The following RBMS3 variants were observed in gnomAD, a reference collection of about 807,000 sequenced individuals.
RBMS3 encodes RNA-binding motif, single-stranded-interacting protein 3.
RBMS3 carries 27 observed loss-of-function variants against 66.8 expected under a neutral mutation model. That is an observed-to-expected ratio of 0.40 (90% CI 0.30 to 0.56). The LOEUF (loss-of-function observed/expected upper bound fraction) is 0.56. Ranked by LOEUF, RBMS3 falls within the 20% of genes least tolerant of loss-of-function variation. The probability of loss-of-function intolerance (pLI) is 0.40; values close to 1 mark genes in which losing one functional copy is unlikely to be tolerated. For missense variants in RBMS3, 513 were observed against 549.5 expected, an observed-to-expected ratio of 0.93 and a Z score of 0.66; for synonymous variants, 188 against 183.0, an observed-to-expected ratio of 1.03 and a Z score of -0.22.
At chr3:29,965,506 G>A (rs186147359) in intron 12 of RBMS3, among the ~76,000 whole-genome samples, 8 of 151,982 alleles carry the variant, frequency 5.3e-5, no homozygotes, top group African/African-American at 1.9e-4. Context: ...TCACATGTTT[G>A]TTGGCCATTT....
chr3:29,598,694 T>C (rs952528995), intron 4 of RBMS3, among the ~76,000 whole-genome samples: 1 of 152,044 alleles, frequency 6.6e-6, no homozygotes, highest in Non-Finnish European at 1.5e-5. Flanking sequence ...ATCATCTTTT[T>C]TATTTTTCTC....
At chr3:29,906,608 T>A (rs1004381184) in intron 10 of RBMS3, among the ~76,000 whole-genome samples, 1 of 152,120 alleles carries the variant, frequency 6.6e-6, no homozygotes, top group Non-Finnish European at 1.5e-5. Context: ...CACTTTGGTG[T>A]ATAAAAATGT....
intron 4 of RBMS3, among the ~76,000 whole-genome samples, chr3:29,663,216 T>C (rs764112396): frequency 2.6e-5 from 4 of 152,148 alleles, no homozygotes; most frequent in Non-Finnish European, 4.4e-5. Flanking sequence ...TAGTTTTAAA[T>C]CATCTTCATG....
At chr3:29,625,418 G>A (rs2049023142) in intron 4 of RBMS3, among the ~76,000 whole-genome samples, 1 of 152,038 alleles carries the variant, frequency 6.6e-6, no homozygotes, top group Admixed American at 6.6e-5. Flanking sequence ...TTCTTGCCAG[G>A]CACAGTGGAT....
At chr3:29,847,489 A>G (rs187133750) in intron 6 of RBMS3, among the ~76,000 whole-genome samples, 1 of 152,282 alleles carries the variant, frequency 6.6e-6, no homozygotes, top group East Asian at 1.9e-4. Flanking sequence ...ATAATTTTCT[A>G]TATTAAGTCT....
chr3:29,346,148 AC>A (rs1476536868), intron 1 of RBMS3, among the ~76,000 whole-genome samples: 1 of 152,176 alleles, frequency 6.6e-6, no homozygotes, highest in Non-Finnish European at 1.5e-5. Context: ...TTGACATAAG[AC>A]AGTTCTCAAT....
intron 4 of RBMS3, among the ~76,000 whole-genome samples, chr3:29,661,547 T>G (rs1675741371): frequency 6.6e-6 from 1 of 151,840 alleles, no homozygotes; most frequent in Admixed American, 6.6e-5. Context: ...CTGTTTCTGT[T>G]AATATCATTT....
At chr3:29,922,155 T>C (rs146201049) in intron 10 of RBMS3, among the ~76,000 whole-genome samples, 1 of 152,354 alleles carries the variant, frequency 6.6e-6, no homozygotes, top group East Asian at 1.9e-4. Flanking sequence ...CTTGTTAAAG[T>C]TATTTAACTG....
chr3:29,980,241 G>T (rs149179554), intron 12 of RBMS3, among the ~76,000 whole-genome samples: 2 of 152,250 alleles, frequency 1.3e-5, no homozygotes, highest in East Asian at 1.9e-4. Context: ...CTTCTTTTGA[G>T]AAGTGTCTGT....
chr3:29,911,234 T>A (rs17024606), intron 10 of RBMS3, among the ~76,000 whole-genome samples: 3,555 of 152,074 alleles, frequency 0.023, 157 homozygotes, highest in African/African-American at 0.082. Flanking sequence ...AGCAAAGTGA[T>A]CAGTAGATTG....
chr3:29,805,369 ATACTT>A (rs1161595165), intron 6 of RBMS3, among the ~76,000 whole-genome samples: 2 of 152,094 alleles, frequency 1.3e-5, no homozygotes, highest in Non-Finnish European at 2.9e-5. Context: ...TTTCTATACT[ATACTT>A]TTTATGGTTA....
chr3:29,464,083 G>A (rs1440238923), intron 2 of RBMS3, among the ~76,000 whole-genome samples: 2 of 151,834 alleles, frequency 1.3e-5, no homozygotes, highest in Non-Finnish European at 2.9e-5. Flanking sequence ...GTTTTTTCTC[G>A]GGCACCTGCA....
chr3:29,394,324 C>G (rs1050210914), intron 1 of RBMS3, among the ~76,000 whole-genome samples: 5 of 152,182 alleles, frequency 3.3e-5, no homozygotes, highest in African/African-American at 1.2e-4. Context: ...CTCCCTTGTT[C>G]CCTGAAAATC....
chr3:29,864,721 T>TA (rs916241420), intron 6 of RBMS3, among the ~76,000 whole-genome samples: 13 of 151,836 alleles, frequency 8.6e-5, no homozygotes, highest in Admixed American at 3.9e-4. Context: ...ATACATTCTT[T>TA]AAAAAAAACT....
intron 4 of RBMS3, among the ~76,000 whole-genome samples, chr3:29,622,040 T>G (rs1239875719): frequency 6.6e-6 from 1 of 152,178 alleles, no homozygotes; most frequent in East Asian, 1.9e-4. Flanking sequence ...CCATAGTGCC[T>G]TCATTTATAA....
At chr3:29,314,162 C>T (rs114082287) in intron 1 of RBMS3, among the ~76,000 whole-genome samples, 129 of 151,782 alleles carry the variant, frequency 8.5e-4, no homozygotes, top group African/African-American at 3.0e-3. Context: ...GTGTTTAACT[C>T]AGTCTTCATA....
At chr3:29,393,623 C>T (rs1232495368) in intron 1 of RBMS3, among the ~76,000 whole-genome samples, 1 of 152,068 alleles carries the variant, frequency 6.6e-6, no homozygotes, top group African/African-American at 2.4e-5. Flanking sequence ...GACTCCTGTG[C>T]CCCAAACTAT....
At chr3:29,828,402 T>C (rs4408838) in intron 6 of RBMS3, among the ~76,000 whole-genome samples, 62,268 of 151,974 alleles carry the variant, frequency 0.41, 13,272 homozygotes, top group Non-Finnish European at 0.47. Context: ...TACTGCTCAG[T>C]TGATATGCAC....
rs531976556 is a variant in RBMS3 at position 29,305,625 on chromosome 3, G to A, written c.75+23869G>A. 3.3e-5 allele frequency among the ~76,000 whole-genome samples: 5 copies of A among 152,076 alleles called. No individual in the cohort carries two copies. The South Asian group carries it at 1.0e-3, about 32-fold the overall frequency. ...CCCACACACATACTGTAGCCAGGGT[G>A]ACATTGATAATTGATGGTTATTATG... On this transcript the variant is annotated intron_variant, in intron 1 of 14. Coordinates refer to ENST00000383767, the MANE Select transcript of RBMS3 (RefSeq NM_001003793.3).
Sources: allele counts gnomAD v4.1 joint callset (sites outside exome capture counted in the v4.1 genomes callset), GRCh38; gene constraint gnomAD v4.1.1; transcripts MANE v1.5; gene names NCBI Gene and HGNC (gene_info 2026-07-23, HGNC 2026-07-21).